Variants in FAIM observed in about 807,000 individuals in gnomAD.
The protein encoded by FAIM is Fas apoptotic inhibitory molecule, also known as fas apoptotic inhibitory molecule 1.
In FAIM, 14 loss-of-function variants were observed where a neutral mutation model predicts 21.2. The ratio of observed to expected loss-of-function variants is 0.66; its 90% CI spans 0.44 to 1.03. The LOEUF is 1.03. Ranked by LOEUF, FAIM falls within the 50% of genes least tolerant of loss-of-function variation. FAIM has a pLI of 0.00. For synonymous variants in FAIM, 86 were observed against 80.4 expected, an observed-to-expected ratio of 1.07 and a Z score of -0.37; for missense variants, 222 against 247.1, an observed-to-expected ratio of 0.90 and a Z score of 0.68.
intron 5 of FAIM, chr3:138,630,656 C>G (rs2042995846): frequency 6.6e-6 from 1 of 152,144 alleles, no homozygotes; most frequent in Non-Finnish European, 1.5e-5. Flanking sequence ...TGGAAAAACT[C>G]CAGTTACCAC....
chr3:138,631,812 G>A (rs1448404902), intron 5 of FAIM, among the ~76,000 whole-genome samples: 5 of 152,066 alleles, frequency 3.3e-5, no homozygotes, highest in African/African-American at 4.8e-5. Flanking sequence ...ATGGGGACAA[G>A]AACACACTGC....
chr3:138,622,177 T>C lies in FAIM; in HGVS notation c.178-11T>C, dbSNP rs2042893980. ...TCCATTTGTTTCATATTTTTCTGTT[T>C]TATTATGTAGGAAGAGATAAGAAAA... On this transcript the variant is annotated splice_polypyrimidine_tract_variant and intron_variant, in intron 3 of 5. Coordinates refer to ENST00000360570, the MANE Select transcript of FAIM (RefSeq NM_001033031.2). 6.4e-7 allele frequency: 1 copy of C among 1,568,180 alleles called. No individual in the cohort carries two copies. Among genetic ancestry groups the C allele is most frequent in the Admixed American group, 2.0e-5 (1 of 49,584 alleles).
At chr3:138,610,862 G>T (rs2042760210) in intron 1 of FAIM, 1 of 993,454 alleles carries the variant, frequency 1.0e-6, no homozygotes, top group Non-Finnish European at 1.6e-6. Context: ...GGATTACGGG[G>T]TGTGAGCCAT....
intron 4 of FAIM, among the ~76,000 whole-genome samples, chr3:138,627,182 CT>C (rs1188996564): frequency 9.2e-4 from 131 of 141,642 alleles, no homozygotes; most frequent in Middle Eastern, 3.7e-3. Flanking sequence ...GGCTTTTTTA[CT>C]TTTTTTTTTT....
chr3:138,613,358 T>C (rs2042791829), intron 1 of FAIM, among the ~76,000 whole-genome samples: 1 of 152,168 alleles, frequency 6.6e-6, no homozygotes, highest in South Asian at 2.1e-4. Flanking sequence ...TTTGTGTTTA[T>C]GAGCAGTAGA....
chr3:138,609,565 T>C (rs1234425613), intron 1 of FAIM, among the ~76,000 whole-genome samples: 3 of 94,300 alleles, frequency 3.2e-5, no homozygotes, highest in East Asian at 4.4e-4. Flanking sequence ...TCTCTCTCTC[T>C]CTCTCTCTCT....
In FAIM at chr3:138,633,081, G is replaced by T; in HGVS notation, c.*2G>T. ...GAAATCCCAGAGATTGCAAGTTAAT[G>T]AATTTTCATCTTAAGAAGTAAAGAT... is the stretch of plus-strand genomic sequence containing the variant. On this transcript the variant is annotated 3_prime_UTR_variant, in exon 6 of 6. Transcript: ENST00000360570. The T allele has an allele frequency of 6.2e-7, 1 of 1,611,558 alleles. No homozygotes were observed. Among genetic ancestry groups the T allele is most frequent in the South Asian group, 1.1e-5 (1 of 90,540 alleles).
At position 138,623,479 on chromosome 3, in the gene FAIM, C is replaced by G. The variant is rs140694357; in HGVS notation, c.406+1063C>G. Reference sequence around the variant, plus strand: ...CTCCTGGGCTCAAGTGATCCTCCAGCCTCAGCCTCCCGAGTAGCTGGGACC... The same window carrying G: ...CTCCTGGGCTCAAGTGATCCTCCAGGCTCAGCCTCCCGAGTAGCTGGGACC... On this transcript the variant is annotated intron_variant, in intron 4 of 5. Transcript: ENST00000360570. Among the ~76,000 whole-genome samples the G allele has an allele frequency of 5.6e-3, 856 of 152,294 alleles. 12 individuals are homozygous for G. Among genetic ancestry groups the G allele is most frequent in the African/African-American group, 0.019 (809 of 41,556 alleles).
intron 4 of FAIM, among the ~76,000 whole-genome samples, chr3:138,628,629 CA>C (rs1417835908): frequency 6.6e-6 from 1 of 152,016 alleles, no homozygotes; most frequent in Non-Finnish European, 1.5e-5. Flanking sequence ...GGACTACAGG[CA>C]CCCACCACCA....
rs757447487 is a variant in FAIM, at chr3:138,619,700, T to A, written c.-16-11T>A. 5.6e-6 allele frequency: 9 copies of A among 1,611,162 alleles called. No homozygotes were observed. The East Asian group carries it at 2.0e-4, about 36-fold the overall frequency. ...TGCTTTTTTCTTTCCTGGCTGCTAA[T>A]TGGATTAAAGACTGTTTTTGCCAAC... is the stretch of plus-strand genomic sequence containing the variant. On this transcript the variant is annotated splice_polypyrimidine_tract_variant and intron_variant, in intron 1 of 5. Transcript: ENST00000360570.
chr3:138,615,065 C>G (rs1170353956), intron 1 of FAIM, among the ~76,000 whole-genome samples: 3 of 152,228 alleles, frequency 2.0e-5, no homozygotes, highest in Non-Finnish European at 4.4e-5. Flanking sequence ...ACCTATCAAA[C>G]ATCATGTCTT....
intron 4 of FAIM, among the ~76,000 whole-genome samples, chr3:138,622,748 A>T (rs1325397441): frequency 2.0e-5 from 3 of 151,976 alleles, no homozygotes; most frequent in Non-Finnish European, 2.9e-5. Flanking sequence ...TTTTAAAAAA[A>T]TGTAATATTG....
At chr3:138,611,495 C>G (rs2042768524) in intron 1 of FAIM, among the ~76,000 whole-genome samples, 1 of 152,156 alleles carries the variant, frequency 6.6e-6, no homozygotes, top group African/African-American at 2.4e-5. Flanking sequence ...ATTTGCCAAA[C>G]TTTTCAATAC....
At chr3:138,614,150 T>A (rs1316959158) in intron 1 of FAIM, among the ~76,000 whole-genome samples, 1 of 152,192 alleles carries the variant, frequency 6.6e-6, no homozygotes, top group Admixed American at 6.5e-5. Flanking sequence ...ACAGAAACAT[T>A]TTCTTCAGGC....
chr3:138,624,958 G>C (rs1330602910), intron 4 of FAIM, among the ~76,000 whole-genome samples: 1 of 152,092 alleles, frequency 6.6e-6, no homozygotes, highest in African/African-American at 2.4e-5. Context: ...TTGAGCCCAG[G>C]AGTTCAAGAC....
intron 2 of FAIM, 64 bp from the exon 3 acceptor site, chr3:138,621,343 A>C (rs2042882407): frequency 6.7e-7 from 1 of 1,490,062 alleles, no homozygotes; most frequent in Admixed American, 2.0e-5. Flanking sequence ...TCATCTTGGA[A>C]GGATTAATTG....
intron 5 of FAIM, among the ~76,000 whole-genome samples, chr3:138,632,464 T>C (rs1183000492): frequency 6.6e-6 from 1 of 152,040 alleles, no homozygotes; most frequent in Non-Finnish European, 1.5e-5. Context: ...TTTGGTTTTG[T>C]TATATGTATA....
At position 138,633,302 on chromosome 3, in the gene FAIM, G is replaced by A. The variant is rs112327774; in HGVS notation, c.*223G>A. On this transcript the variant is annotated 3_prime_UTR_variant, in exon 6 of 6. Coordinates refer to ENST00000360570, the MANE Select transcript of FAIM (RefSeq NM_001033031.2). ...ATGTAAAATGTTTTAAAGACAAATGGCAAATAAGATATGGACCAAAGTCAC... is the reference window on the plus strand; with the variant it reads ...ATGTAAAATGTTTTAAAGACAAATGACAAATAAGATATGGACCAAAGTCAC... 6 of 314,766 alleles carry A rather than the reference G, an allele frequency of 1.9e-5. No homozygotes were observed. Among genetic ancestry groups the A allele is most frequent in the African/African-American group, 1.1e-4 (5 of 46,302 alleles). 19.5% of individuals were successfully genotyped at this position (314,766 alleles called of 1,614,324 possible).
chr3:138,626,939 T>C (rs1016917264), intron 4 of FAIM, among the ~76,000 whole-genome samples: 1 of 152,196 alleles, frequency 6.6e-6, no homozygotes, highest in African/African-American at 2.4e-5. Flanking sequence ...ATAAGTGAGG[T>C]TGAGCATCTT....
Sources: gnomAD v4.1 joint callset for allele counts (sites outside exome capture counted in the v4.1 genomes callset) on GRCh38, gnomAD v4.1.1 for gene constraint, MANE v1.5 for transcripts, NCBI Gene and HGNC (gene_info 2026-07-23, HGNC 2026-07-21) for gene names.